Variants in MYO5C observed in about 807,000 individuals in gnomAD.
MYO5C encodes the protein unconventional myosin-Vc.
A neutral mutation model predicts 235.7 loss-of-function variants in MYO5C; 194 were observed. The ratio of observed to expected loss-of-function variants is 0.82; its 90% CI spans 0.73 to 0.93. The LOEUF is 0.93. MYO5C is among the 40% of genes least tolerant of loss of function. MYO5C has a pLI of 0.00. For missense variants in MYO5C, 2,038 were observed against 2,127.2 expected (o/e 0.96, Z 0.82); for synonymous variants, 707 against 754.8 (o/e 0.94, Z 1.04).
chr15:52,274,348 G>T (rs2036991879), intron 5 of MYO5C, among the ~76,000 whole-genome samples: 1 of 152,082 alleles, frequency 6.6e-6, no homozygotes, highest in African/African-American at 2.4e-5. Context: ...GTGCAATCTT[G>T]GCTCACTGCA....
chr15:52,279,941 T>C (rs1450964727), intron 2 of MYO5C, among the ~76,000 whole-genome samples: 3 of 152,172 alleles, frequency 2.0e-5, no homozygotes, highest in Admixed American at 2.0e-4. Flanking sequence ...GAAGAGGAGC[T>C]AGAGCAGGGG....
chr15:52,284,984 T>C (rs1228911211), intron 1 of MYO5C, among the ~76,000 whole-genome samples: 1 of 152,084 alleles, frequency 6.6e-6, no homozygotes, highest in Non-Finnish European at 1.5e-5. Flanking sequence ...AGATTACAGG[T>C]ATAAGCCATC....
At position 52,264,576 on chromosome 15, in the gene MYO5C, C is replaced by T. The variant is rs56104435; in HGVS notation, c.941-280G>A. On this transcript the variant is annotated intron_variant, in intron 8 of 40. Coordinates refer to ENST00000261839, the MANE Select transcript of MYO5C (RefSeq NM_018728.4). ...AGTAATCATTTCACATTAGGTTCCT[C>T]GGAGAGTCATCTTGCCTTGATTCTG... Among the ~76,000 whole-genome samples, 608 of 152,306 alleles carry T rather than the reference C, an allele frequency of 4.0e-3. 4 individuals are homozygous for T. The highest frequency in any genetic ancestry group is 0.014 in the African/African-American group (584 of 41,556).
At position 52,275,617 on chromosome 15, in the gene MYO5C, G is replaced by A. The variant is rs751882777; in HGVS notation, c.551C>T (p.Ser184Leu). 23 of 1,614,088 alleles carry A rather than the reference G, an allele frequency of 1.4e-5. No individual in the cohort carries two copies. Among genetic ancestry groups the A allele is most frequent in the Middle Eastern group, 3.3e-4 (2 of 6,084 alleles). Residue 184 changes from serine to leucine, a missense_variant, in exon 5 of 41, where the codon TCG (serine) becomes TTG (leucine). Ser to Leu is a moderately radical substitution (Grantham distance 145). Transcript: ENST00000261839. ...GTCTTCCACGTGAGCGTTGCTGCCC[G>A]ATTTGCTGACGGTGGCAAAGTACCT... ...AMRYFATVSKSGSNAHVEDKV... is the reference protein window; with the variant it reads ...AMRYFATVSKLGSNAHVEDKV...
chr15:52,244,507 A>G lies in MYO5C; in HGVS notation c.2239T>C (p.Tyr747His). 1 of 1,614,180 alleles carries G rather than the reference A, an allele frequency of 6.2e-7. No homozygotes were observed. The highest frequency in any genetic ancestry group is 8.5e-7 in the Non-Finnish European group (1 of 1,180,042). ...KIFFRAGQVA[Y>H]LEKLRLDKLR... The stretch of plus-strand genomic sequence containing the variant: ...TTATCCAATCGAAGTTTCTCTAAAT[A>G]AGCCACTTGTCCTGCTCTGAAGAAA... The change falls in exon 19 of 41, where the codon TAT becomes CAT. Residue 747 changes from tyrosine (Y) to histidine (H), a missense_variant. Physicochemically the swap from Tyr to His is moderately conservative, Grantham distance 83. Transcript: ENST00000261839.
At chr15:52,253,589 G>A (rs948593970) in intron 11 of MYO5C, 132 bp from the exon 12 acceptor site, 3 of 834,650 alleles carry the variant, frequency 3.6e-6, no homozygotes, top group African/African-American at 3.4e-5. Flanking sequence ...GGACCCTGAA[G>A]TATAGACAAG....
Position 52,264,189 on chromosome 15 carries a change from C to A in MYO5C, c.1047+1G>T. 1 of 1,605,216 alleles carries A rather than the reference C, an allele frequency of 6.2e-7. No homozygotes were observed. Among genetic ancestry groups the A allele is most frequent in the Admixed American group, 1.7e-5 (1 of 59,850 alleles). The stretch of plus-strand genomic sequence containing the variant: ...AAAAGTAAAACAAATGAGCATCTCA[C>A]ACTAACTGAGGACCTCTCGTTGCCC... On this transcript the variant is annotated splice_donor_variant, in intron 9 of 40. Coordinates refer to ENST00000261839, the MANE Select transcript of MYO5C (RefSeq NM_018728.4). LOFTEE classifies it high-confidence loss of function.
In MYO5C at chr15:52,241,963, G is replaced by C. The variant is rs2036234679; in HGVS notation, c.2556+85C>G. On this transcript the variant is annotated intron_variant, in intron 20 of 40. Coordinates refer to ENST00000261839, the MANE Select transcript of MYO5C (RefSeq NM_018728.4). Reference sequence around the variant, plus strand: ...TTTGTACAAAGTGAGGTTGCCCATAGTGAAGTCTTTCCCTGGGCCCTGTTT... The same window carrying C: ...TTTGTACAAAGTGAGGTTGCCCATACTGAAGTCTTTCCCTGGGCCCTGTTT... 7 of 1,421,434 alleles carry C rather than the reference G, an allele frequency of 4.9e-6. No homozygotes were observed. In the Admixed American group the frequency reaches 7.0e-5, roughly 14 times the overall value. 88.1% of individuals were successfully genotyped at this position (1,421,434 alleles called of 1,614,324 possible). A position where few individuals can be genotyped will look rare whatever the true frequency, so the allele number is the denominator to read the frequency against.
Position 52,218,669 on chromosome 15 carries a change from A to G in MYO5C, c.3804T>C (p.Asn1268=), listed in dbSNP as rs2035608196. The G allele has an allele frequency of 6.2e-7, 1 of 1,613,958 alleles. No individual in the cohort carries two copies. The highest frequency in any genetic ancestry group is 8.5e-7 in the Non-Finnish European group (1 of 1,180,008). ...TCTCCTTCTCTTTGGTATGTATTTC[A>G]TTTTGGGCTTCCAAGGCCCTGAGAA... ...GTQRKALEAQ[N]EIHTKEKEKL... The change falls in exon 32 of 41, where the codon AAT becomes AAC. Residue 1268 remains asparagine, a synonymous_variant. Transcript: ENST00000261839.
At chr15:52,269,549 C>G (rs1427441049) in intron 8 of MYO5C, among the ~76,000 whole-genome samples, 2 of 151,830 alleles carry the variant, frequency 1.3e-5, no homozygotes, top group Non-Finnish European at 2.9e-5. Context: ...CCCGCCACCA[C>G]GCCTGGCTAA....
intron 24 of MYO5C, among the ~76,000 whole-genome samples, chr15:52,230,826 C>CTTTT (rs67197964): frequency 7.8e-6 from 1 of 128,618 alleles, no homozygotes. Flanking sequence ...AGAAGTCTTC[C>CTTTT]TTTTTTTTTT....
At chr15:52,244,790 G>C (rs1376082741) in intron 18 of MYO5C, among the ~76,000 whole-genome samples, 1 of 152,156 alleles carries the variant, frequency 6.6e-6, no homozygotes, top group African/African-American at 2.4e-5. Flanking sequence ...TCCATTTGTG[G>C]GTGAGAAGGG....
At chr15:52,221,034 C>A (rs1258845959) in intron 30 of MYO5C, 128 bp downstream of exon 30, 3 of 665,316 alleles carry the variant, frequency 4.5e-6, no homozygotes, top group East Asian at 2.7e-5. Context: ...CCCCTTCTCA[C>A]ATTTGTTACC....
At chr15:52,230,038 T>C (rs531832546) in intron 24 of MYO5C, among the ~76,000 whole-genome samples, 49 of 152,314 alleles carry the variant, frequency 3.2e-4, no homozygotes, top group South Asian at 6.2e-4. Context: ...TGGAGGTTTG[T>C]TTGATCCTAA....
At chr15:52,244,149 C>T (rs916149725) in intron 19 of MYO5C, among the ~76,000 whole-genome samples, 4 of 152,180 alleles carry the variant, frequency 2.6e-5, no homozygotes, top group African/African-American at 9.7e-5. Context: ...CGGCTCACCA[C>T]ACAGACACCA....
At chr15:52,281,257 G>A (rs745903077) in intron 2 of MYO5C, among the ~76,000 whole-genome samples, 3 of 152,306 alleles carry the variant, frequency 2.0e-5, no homozygotes, top group Non-Finnish European at 2.9e-5. Flanking sequence ...GGAGGCAGAG[G>A]TGACATTTTC....
At chr15:52,235,540 G>T in intron 23 of MYO5C, 130 bp downstream of exon 23, 1 of 614,016 alleles carries the variant, frequency 1.6e-6, no homozygotes, top group Non-Finnish European at 2.8e-6. Flanking sequence ...GCTATTCCTT[G>T]TGAGCAAAAA....
At chr15:52,280,775 G>A (rs958505462) in intron 2 of MYO5C, among the ~76,000 whole-genome samples, 1 of 152,200 alleles carries the variant, frequency 6.6e-6, no homozygotes, top group African/African-American at 2.4e-5. Flanking sequence ...CCCCAACCAA[G>A]AAAGTCAACG....
chr15:52,236,296 G>A (rs1222344593), intron 22 of MYO5C, among the ~76,000 whole-genome samples: 1 of 152,238 alleles, frequency 6.6e-6, no homozygotes, highest in Non-Finnish European at 1.5e-5. Context: ...AGCAGTGTTG[G>A]TGCACCCAGC....
Sources: gnomAD v4.1 joint callset for allele counts (sites outside exome capture counted in the v4.1 genomes callset) on GRCh38, gnomAD v4.1.1 for gene constraint, MANE v1.5 for transcripts, NCBI Gene and HGNC (gene_info 2026-07-23, HGNC 2026-07-21) for gene names.